The following SOX6 variants were observed in gnomAD, a reference collection of about 807,000 sequenced individuals.
SOX6 encodes the protein transcription factor SOX-6.
A neutral mutation model predicts 97.8 loss-of-function variants in SOX6; 11 were observed. The ratio of observed to expected loss-of-function variants is 0.11; its 90% confidence interval spans 0.07 to 0.19. The LOEUF is 0.19. Among genes scored for constraint, SOX6 ranks in the 10% least tolerant of loss-of-function variants. The probability of loss-of-function intolerance (pLI) is 1.00; values close to 1 mark genes in which losing one functional copy is unlikely to be tolerated. For missense variants in SOX6, 810 were observed against 1,039.5 expected (o/e 0.78, Z 3.04); for synonymous variants, 360 against 371.4 (o/e 0.97, Z 0.35).
At chr11:16,251,485 T>C (rs199873627) in intron 3 of SOX6, among the ~76,000 whole-genome samples, 1 of 121,614 alleles carries the variant, frequency 8.2e-6, no homozygotes, top group South Asian at 2.7e-4. Context: ...AGTATGAAGA[T>C]TATGCTAATA....
upstream of SOX6, among the ~76,000 whole-genome samples, chr11:16,481,378 T>G (rs1304507086): frequency 6.6e-6 from 1 of 152,172 alleles, no homozygotes; most frequent in Non-Finnish European, 1.5e-5. Flanking sequence ...AAATTATGTC[T>G]TCTAATGCAA....
chr11:16,735,773 T>C (rs1848386505), intron 2 of SOX6, among the ~76,000 whole-genome samples: 1 of 152,172 alleles, frequency 6.6e-6, no homozygotes, highest in African/African-American at 2.4e-5. Context: ...GCAAAGTATA[T>C]GGTACATGGT....
intron 3 of SOX6, among the ~76,000 whole-genome samples, chr11:16,661,096 C>G (rs900795343): frequency 6.6e-6 from 1 of 152,128 alleles, no homozygotes; most frequent in Non-Finnish European, 1.5e-5. Flanking sequence ...CCTTGTAGTT[C>G]TATCAGTTTT....
At position 16,637,776 on chromosome 11, in the gene SOX6, G is replaced by A. The variant is rs890095965; in HGVS notation, n.430-25516C>T. Among the ~76,000 whole-genome samples the A allele has an allele frequency of 2.0e-5, 3 of 152,044 alleles. No homozygotes were observed. The South Asian group carries it at 6.2e-4, about 32-fold the overall frequency. ...GCCATCCTTAAAATATATTTCTCAA[G>A]GTCGCTTTGGTCACCATCATTCCAG... On this transcript the variant is annotated intron_variant and non_coding_transcript_variant, in intron 3 of 5. Transcript: ENST00000524520.
chr11:16,257,897 T>C (rs1311597957), intron 3 of SOX6, among the ~76,000 whole-genome samples: 1 of 151,846 alleles, frequency 6.6e-6, no homozygotes, highest in African/African-American at 2.4e-5. Flanking sequence ...GTAAAAGACC[T>C]GAACAGACAC....
At chr11:16,304,649 T>A (rs1187476586) in intron 3 of SOX6, among the ~76,000 whole-genome samples, 3 of 152,226 alleles carry the variant, frequency 2.0e-5, no homozygotes, top group Admixed American at 2.0e-4. Flanking sequence ...ATTGCTATTG[T>A]ATAGAAATGT....
chr11:16,727,900 T>C (rs949472229), intron 2 of SOX6, among the ~76,000 whole-genome samples: 3 of 152,218 alleles, frequency 2.0e-5, no homozygotes, highest in Non-Finnish European at 2.9e-5. Flanking sequence ...TTTAAACTCA[T>C]AGGTTCTTTT....
chr11:16,186,819 C>T lies in SOX6; in HGVS notation c.672G>A (p.Arg224=). 1 of 1,613,656 alleles carries T rather than the reference C, an allele frequency of 6.2e-7. No homozygotes were observed. Among genetic ancestry groups the T allele is most frequent in the Non-Finnish European group, 8.5e-7 (1 of 1,179,836 alleles). ...GTTGGCGAGCAAGGTCCATTTGCTG[C>T]CGTTGTTTCTCAATTTGTGACGCTG... ...KLAASQIEKQ[R]QQMDLARQQQ... Residue 224 remains arginine (R), a synonymous_variant, in exon 5 of 16, where the codon CGG becomes CGA. Coordinates refer to ENST00000683767, the MANE Select transcript of SOX6 (RefSeq NM_001367873.1).
At chr11:16,644,826 CT>C (rs1169408676) in intron 3 of SOX6, among the ~76,000 whole-genome samples, 2 of 152,128 alleles carry the variant, frequency 1.3e-5, no homozygotes, top group Non-Finnish European at 2.9e-5. Flanking sequence ...ATTTTATTCA[CT>C]TGGTCTATCA....
chr11:16,199,444 T>C (rs1851874728), intron 4 of SOX6, among the ~76,000 whole-genome samples: 1 of 152,212 alleles, frequency 6.6e-6, no homozygotes, highest in African/African-American at 2.4e-5. Flanking sequence ...ACACAGCTTG[T>C]TAGCTTGTAA....
chr11:16,685,814 AC>A (rs1394362025), intron 3 of SOX6, among the ~76,000 whole-genome samples: 1 of 152,146 alleles, frequency 6.6e-6, no homozygotes, highest in Non-Finnish European at 1.5e-5. Flanking sequence ...GTACTGTTGT[AC>A]CCTGCAGTAG....
intron 2 of SOX6, among the ~76,000 whole-genome samples, chr11:16,733,326 C>A (rs1308401507): frequency 6.6e-6 from 1 of 152,042 alleles, no homozygotes; most frequent in East Asian, 1.9e-4. Context: ...TGGAACCAAC[C>A]CAAATACCCA....
intron 3 of SOX6, among the ~76,000 whole-genome samples, chr11:16,249,575 TCCAAAGTCACTTCC>T (rs1853447599): frequency 6.6e-6 from 1 of 152,182 alleles, no homozygotes. Flanking sequence ...GTTATCCAGT[TCCAAAGTCACTTCC>T]ACATTTTTGG....
intron 4 of SOX6, among the ~76,000 whole-genome samples, chr11:16,503,950 G>A (rs1455460462): frequency 2.6e-5 from 4 of 151,960 alleles, no homozygotes; most frequent in Non-Finnish European, 5.9e-5. Context: ...GGTTGAGGCA[G>A]GAGAATTGCA....
At chr11:16,116,396 G>A (rs1415675384) in intron 6 of SOX6, among the ~76,000 whole-genome samples, 1 of 152,064 alleles carries the variant, frequency 6.6e-6, no homozygotes, top group Admixed American at 6.5e-5. Flanking sequence ...TATAGAGTCA[G>A]GACTCAAGTC....
chr11:16,639,867 T>G (rs1362061248), intron 3 of SOX6, among the ~76,000 whole-genome samples: 1 of 152,194 alleles, frequency 6.6e-6, no homozygotes, highest in Non-Finnish European at 1.5e-5. Flanking sequence ...AGGGACAATT[T>G]GACTTCCTCT....
intron 3 of SOX6, among the ~76,000 whole-genome samples, chr11:16,237,932 C>T (rs2134180773): frequency 6.6e-6 from 1 of 151,908 alleles, no homozygotes; most frequent in South Asian, 2.1e-4. Context: ...AGAATCACAA[C>T]ATTACAGCAT....
At position 16,048,980 on chromosome 11, in the gene SOX6, C is replaced by G. The variant is rs561352813; in HGVS notation, c.1435+775G>C. ...GTACATGTATTGATAATCATTCATT[C>G]TAGTCATTTTAAATTGAATGCCTTC... On this transcript the variant is annotated intron_variant, in intron 11 of 15. Transcript: ENST00000683767. Among the ~76,000 whole-genome samples the G allele has an allele frequency of 2.0e-5, 3 of 152,252 alleles. No homozygotes were observed. In the East Asian group the frequency reaches 5.8e-4, roughly 29 times the overall value.
chr11:16,483,328 G>T (rs1272575550), intron 4 of SOX6, among the ~76,000 whole-genome samples: 3 of 151,988 alleles, frequency 2.0e-5, no homozygotes, highest in African/African-American at 7.2e-5. Flanking sequence ...GTAGGTTTTA[G>T]TTCAGTCCAA....
Sources: gnomAD v4.1 joint callset for allele counts (sites outside exome capture counted in the v4.1 genomes callset) on GRCh38, gnomAD v4.1.1 for gene constraint, MANE v1.5 for transcripts, NCBI Gene and HGNC (gene_info 2026-07-23, HGNC 2026-07-21) for gene names.